SOX5: variants seen among roughly 807,000 people sequenced by gnomAD.
The protein encoded by SOX5 is transcription factor SOX-5.
Under a neutral mutation model 92.0 loss-of-function variants are expected in SOX5, and 9 were observed. The ratio of observed to expected loss-of-function variants is 0.10; its 90% CI spans 0.06 to 0.17. SOX5 has a LOEUF of 0.17. Among genes scored for constraint, SOX5 ranks in the 10% least tolerant of loss-of-function variants. The pLI is 1.00. For synonymous variants in SOX5, 344 were observed against 336.3 expected (o/e 1.02, Z -0.25); for missense variants, 642 against 944.5 (o/e 0.68, Z 4.20).
chr12:24,470,124 A>C (rs1944647030), intron 1 of SOX5, among the ~76,000 whole-genome samples: 1 of 152,246 alleles, frequency 6.6e-6, no homozygotes, highest in Admixed American at 6.5e-5. Flanking sequence ...CTTTAAATGC[A>C]AACCAAAGTA....
At chr12:23,932,236 G>A (rs1009893510) in intron 1 of SOX5, among the ~76,000 whole-genome samples, 49 of 151,500 alleles carry the variant, frequency 3.2e-4, no homozygotes, top group African/African-American at 1.1e-3. Flanking sequence ...AATCCAGATC[G>A]TGAGACATTA....
chr12:24,055,185 A>AT (rs1957976357), intron 4 of SOX5, among the ~76,000 whole-genome samples: 1 of 152,196 alleles, frequency 6.6e-6, no homozygotes, highest in South Asian at 2.1e-4. Context: ...CCCAAGGATC[A>AT]TTTAGACTTA....
At chr12:23,559,627 T>C (rs1399949007) in intron 11 of SOX5, among the ~76,000 whole-genome samples, 1 of 152,220 alleles carries the variant, frequency 6.6e-6, no homozygotes, top group Non-Finnish European at 1.5e-5. Flanking sequence ...TTACAGCTTT[T>C]CAGAATTAAG....
chr12:23,577,298 A>T (rs1296335375), intron 9 of SOX5, among the ~76,000 whole-genome samples: 1 of 147,182 alleles, frequency 6.8e-6, no homozygotes, highest in Non-Finnish European at 1.5e-5. Context: ...ACTTCAAGTG[A>T]TTCTCCTGCC....
At chr12:23,998,823 A>AG (rs1376865625) in intron 4 of SOX5, among the ~76,000 whole-genome samples, 5 of 151,196 alleles carry the variant, frequency 3.3e-5, no homozygotes, top group Non-Finnish European at 5.9e-5. Context: ...AAAAAAAAAA[A>AG]AAGGGGGGGC....
chr12:24,126,003 G>C (rs1488788225), intron 4 of SOX5, among the ~76,000 whole-genome samples: 1 of 152,096 alleles, frequency 6.6e-6, no homozygotes, highest in Non-Finnish European at 1.5e-5. Context: ...TTTCCTACAG[G>C]ATCTCTCCTC....
intron 1 of SOX5, among the ~76,000 whole-genome samples, chr12:24,417,612 G>C (rs372808938): frequency 2.0e-5 from 3 of 152,278 alleles, no homozygotes; most frequent in South Asian, 4.1e-4. Context: ...CAAATGAACT[G>C]AACAGAATAT....
intron 2 of SOX5, among the ~76,000 whole-genome samples, chr12:24,320,871 A>AATAATAAT (rs1565899408): frequency 2.1e-4 from 31 of 148,300 alleles, no homozygotes; most frequent in African/African-American, 7.2e-4. Context: ...TCTCAAAAAA[A>AATAATAAT]AATAATAATA....
At chr12:23,623,851 C>A (rs1362305727) in intron 8 of SOX5, among the ~76,000 whole-genome samples, 1 of 151,996 alleles carries the variant, frequency 6.6e-6, no homozygotes, top group South Asian at 2.1e-4. Flanking sequence ...CGAAAATGGA[C>A]TGAAAGCAGG....
At chr12:24,078,946 G>A (rs908668386) in intron 4 of SOX5, among the ~76,000 whole-genome samples, 12 of 151,816 alleles carry the variant, frequency 7.9e-5, no homozygotes, top group African/African-American at 2.4e-4. Context: ...TTATGACTTA[G>A]TGTCTTTCAT....
chr12:23,626,084 A>T (rs2077744740), intron 8 of SOX5, among the ~76,000 whole-genome samples: 1 of 152,138 alleles, frequency 6.6e-6, no homozygotes, highest in Admixed American at 6.5e-5. Flanking sequence ...TAGAGGAAAA[A>T]ATGAAGAAAA....
chr12:23,821,028 T>G (rs565560879), intron 3 of SOX5, among the ~76,000 whole-genome samples: 1 of 152,338 alleles, frequency 6.6e-6, no homozygotes, highest in Admixed American at 6.5e-5. Context: ...ATGGCCATTT[T>G]TATGATATTG....
At chr12:23,716,567 A>T (rs979015016) in intron 6 of SOX5, among the ~76,000 whole-genome samples, 9 of 152,174 alleles carry the variant, frequency 5.9e-5, no homozygotes, top group South Asian at 2.1e-4. Context: ...AGAAATTTTT[A>T]AAAAAGCCTT....
In SOX5 at chr12:24,093,530, A is replaced by AAC. The variant is rs1555507009; in HGVS notation, c.-2+119812_-2+119813insGT. Among the ~76,000 whole-genome samples, 29 of 151,772 alleles carry AAC rather than the reference A, an allele frequency of 1.9e-4. No homozygotes were observed. In the East Asian group the frequency reaches 3.7e-3, roughly 19 times the overall value. On this transcript the variant is annotated intron_variant, in intron 4 of 4. Coordinates refer to the SOX5 transcript ENST00000446891. ...AGGGCAAGACTCCGTCTCAAAAAAAAAAAAACAAAAACAAAAACAAAAATA... is the reference window on the plus strand; with the variant it reads ...AGGGCAAGACTCCGTCTCAAAAAAAAACAAAAACAAAAACAAAAACAAAAATA...
chr12:23,781,646 G>T (rs1007437274), intron 3 of SOX5, among the ~76,000 whole-genome samples: 1 of 151,800 alleles, frequency 6.6e-6, no homozygotes, highest in Non-Finnish European at 1.5e-5. Context: ...AAAACTTCAA[G>T]CACATTATAA....
chr12:24,257,957 G>A (rs1255320374), intron 3 of SOX5, among the ~76,000 whole-genome samples: 1 of 151,954 alleles, frequency 6.6e-6, no homozygotes, highest in Non-Finnish European at 1.5e-5. Context: ...AGTGGATCAC[G>A]AGGTCAGGAG....
At chr12:23,567,143 C>T (rs984471771) in intron 10 of SOX5, among the ~76,000 whole-genome samples, 4 of 152,072 alleles carry the variant, frequency 2.6e-5, no homozygotes, top group African/African-American at 7.2e-5. Context: ...CATTCCTTGG[C>T]GGGCACAGAG....
At chr12:24,110,521 A>G (rs578110067) in intron 4 of SOX5, among the ~76,000 whole-genome samples, 12 of 152,308 alleles carry the variant, frequency 7.9e-5, no homozygotes, top group African/African-American at 2.9e-4. Context: ...GAAATGCTGC[A>G]CTTTTAAATA....
At chr12:23,881,477 C>CT (rs1461713594) in intron 2 of SOX5, among the ~76,000 whole-genome samples, 1 of 152,186 alleles carries the variant, frequency 6.6e-6, no homozygotes, top group Non-Finnish European at 1.5e-5. Context: ...CTCACAAACA[C>CT]TGTCAAGTCC....
Sources: gnomAD v4.1 joint callset for allele counts (sites outside exome capture counted in the v4.1 genomes callset) on GRCh38, gnomAD v4.1.1 for gene constraint, MANE v1.5 for transcripts, NCBI Gene and HGNC (gene_info 2026-07-23, HGNC 2026-07-21) for gene names.